PHRF1: variants seen among roughly 807,000 people sequenced by gnomAD.
PHRF1 encodes the protein PHD and RING finger domain-containing protein 1.
Under a neutral mutation model 128.9 loss-of-function variants are expected in PHRF1, and 53 were observed. That is an observed-to-expected ratio of 0.41 (90% confidence interval 0.33 to 0.52). The LOEUF (loss-of-function observed/expected upper bound fraction) is 0.52, where lower values mean the gene tolerates loss of function less well. Among genes scored for constraint, PHRF1 ranks in the 20% least tolerant of loss-of-function variants. PHRF1 has a pLI of 0.21. For missense variants in PHRF1, 2,503 were observed against 2,284.5 expected, an observed-to-expected ratio of 1.10 and a Z score of -1.95; for synonymous variants, 1,178 against 980.6, an observed-to-expected ratio of 1.20 and a Z score of -3.76.
chr11:591,330 A>G, intron 4 of PHRF1, 54 bp from the exon 5 acceptor site: 1 of 1,472,134 alleles, frequency 6.8e-7, no homozygotes, highest in South Asian at 1.2e-5. Context: ...AGAATTTTTG[A>G]TCTCTAAGTG....
At chr11:611,582 C>T (rs867301699) in intron 17 of PHRF1, 52 bp from the exon 18 acceptor site, 2 of 1,610,310 alleles carry the variant, frequency 1.2e-6, no homozygotes, top group Non-Finnish European at 1.7e-6. Context: ...GGGCTCTGGC[C>T]CGGAACATCT....
chr11:592,845 T>C (rs1350266153), intron 6 of PHRF1, among the ~76,000 whole-genome samples, 171 bp downstream of exon 6: 3 of 152,212 alleles, frequency 2.0e-5, no homozygotes, highest in South Asian at 4.1e-4. Flanking sequence ...GTTACACTCA[T>C]TTACACTTCA....
rs1363786484 is a variant in PHRF1 at position 611,945 on chromosome 11, T to C, written c.*168T>C. 19 of 1,081,654 alleles carry C rather than the reference T, an allele frequency of 1.8e-5. No individual in the cohort carries two copies. The highest frequency in any genetic ancestry group is 2.2e-5 in the Non-Finnish European group (17 of 770,290). 67.0% of individuals were successfully genotyped at this position (1,081,654 alleles called of 1,614,324 possible). A position where few individuals can be genotyped will look rare whatever the true frequency, so the allele number is the denominator to read the frequency against. ...CATGCCTGCCGTCGGGTTCCTGCGC[T>C]GACACCTGGTCTGTGCACCTGTGTT... On this transcript the variant is annotated 3_prime_UTR_variant, in exon 18 of 18. Transcript: ENST00000264555.
chr11:598,851 G>T lies in PHRF1; in HGVS notation c.1024+349G>T, dbSNP rs184804132. On this transcript the variant is annotated intron_variant, in intron 9 of 17. Coordinates refer to ENST00000264555, the MANE Select transcript of PHRF1 (RefSeq NM_001286581.2). ...ACGCCCTGAAGCCATCTGGGCCTGG[G>T]CTTTTCTGTGGGGGCCGAGTTGAGA... Among the ~76,000 whole-genome samples the T allele has an allele frequency of 9.2e-5, 14 of 152,332 alleles. 1 individual carries two copies. The East Asian group carries it at 2.5e-3, about 27-fold the overall frequency.
In PHRF1 at chr11:607,405, C is replaced by T. The variant is rs1479012529; in HGVS notation, c.1949C>T (p.Ser650Leu). 3.5e-5 allele frequency: 56 copies of T among 1,612,722 alleles called. No homozygotes were observed. Among genetic ancestry groups the T allele is most frequent in the Non-Finnish European group, 4.5e-5 (53 of 1,179,892 alleles). ...LPLASAASKI[S>L]SRDSKPPCRS... ...CTTGCCTCTGCCGCGTCTAAGATCT[C>T]AAGCAGAGATTCTAAGCCCCCATGT... Residue 650 changes from serine (S) to leucine (L), a missense_variant, in exon 14 of 18, where the codon TCA (serine) becomes TTA (leucine). Transcript: ENST00000264555.
rs1416024663 is a variant in PHRF1, at chr11:611,177, C to G, written c.4806+95C>G. On this transcript the variant is annotated intron_variant, in intron 17 of 17. Coordinates refer to ENST00000264555, the MANE Select transcript of PHRF1 (RefSeq NM_001286581.2). ...ATGGACTTTGGGGTGGCCATGAGTG[C>G]AGGCCCGAGGTCAGCCAGCCAGGTT... The G allele has an allele frequency of 1.9e-6, 3 of 1,554,702 alleles. No homozygotes were observed. The African/African-American group carries it at 4.1e-5, about 21-fold the overall frequency.
intron 10 of PHRF1, among the ~76,000 whole-genome samples, chr11:602,775 T>G (rs1234399776): frequency 6.6e-6 from 1 of 150,726 alleles, no homozygotes; most frequent in Non-Finnish European, 1.5e-5. Context: ...TTTTTGTTTT[T>G]TTTTTTGAGA....
At chr11:600,822 C>T (rs752288448) in intron 9 of PHRF1, among the ~76,000 whole-genome samples, 74 of 152,180 alleles carry the variant, frequency 4.9e-4, no homozygotes, top group Middle Eastern at 6.8e-3. Context: ...AAAAATTAGC[C>T]GGGCATGGTG....
At chr11:581,784 A>G (rs1254534165) in intron 2 of PHRF1, among the ~76,000 whole-genome samples, 178 bp downstream of exon 2, 2 of 152,272 alleles carry the variant, frequency 1.3e-5, no homozygotes, top group Non-Finnish European at 2.9e-5. Flanking sequence ...AAACAACACA[A>G]ATGTTGAACG....
chr11:606,354 G>A, intron 12 of PHRF1, 88 bp from the exon 13 acceptor site: 1 of 1,437,158 alleles, frequency 7.0e-7, no homozygotes, highest in African/African-American at 1.4e-5. Context: ...ACTCTCCCTG[G>A]CTCCCGCCTG....
intron 1 of PHRF1, among the ~76,000 whole-genome samples, chr11:579,220 T>TCCCCCAGCCCTGCTCCCC (rs1854064548): frequency 8.7e-6 from 1 of 114,648 alleles, no homozygotes; most frequent in African/African-American, 3.7e-5. Flanking sequence ...ACCCTGGGAC[T>TCCCCCAGCCCTGCTCCCC]CCCCCAGCCC....
rs748615025 is a variant in PHRF1 at position 598,471 on chromosome 11, G to T, written c.993G>T (p.Pro331=). The change falls in exon 9 of 18, where the codon CCG becomes CCT. Residue 331 remains proline, a synonymous_variant. Transcript: ENST00000264555. ...CCGTGTATCAGCGCCCCCTGACGCCGCGCACTCCCGCCCGACGGAAGAGGA... is the reference window on the plus strand; with the variant it reads ...CCGTGTATCAGCGCCCCCTGACGCCTCGCACTCCCGCCCGACGGAAGAGGA... ...STAVYQRPLT[P]RTPARRKRKT... is the part of the protein sequence containing the mutation. 3.1e-6 allele frequency: 5 copies of T among 1,609,878 alleles called. No homozygotes were observed. In the African/African-American group the frequency reaches 4.0e-5, roughly 13 times the overall value.
intron 6 of PHRF1, 133 bp downstream of exon 6, chr11:592,807 A>C: frequency 1.1e-6 from 1 of 933,358 alleles, no homozygotes; most frequent in Non-Finnish European, 1.7e-6. Context: ...CACCCTCAGC[A>C]GCGCGGTTCA....
At chr11:589,138 A>G (rs190666752) in intron 4 of PHRF1, among the ~76,000 whole-genome samples, 1 of 152,136 alleles carries the variant, frequency 6.6e-6, no homozygotes, top group South Asian at 2.1e-4. Context: ...CTGTCTCAAA[A>G]AAAAAAAAAG....
chr11:591,634 G>C (rs1224207456), intron 5 of PHRF1, among the ~76,000 whole-genome samples, 167 bp downstream of exon 5: 1 of 152,232 alleles, frequency 6.6e-6, no homozygotes, highest in Non-Finnish European at 1.5e-5. Context: ...TGTCTGGGGG[G>C]TTTGGGGTCT....
intron 10 of PHRF1, among the ~76,000 whole-genome samples, 155 bp from the exon 11 acceptor site, chr11:604,964 G>A (rs1168094347): frequency 1.3e-5 from 2 of 152,218 alleles, no homozygotes; most frequent in South Asian, 2.1e-4. Flanking sequence ...CCTGCTTGTC[G>A]GTCATCATGC....
In PHRF1 at chr11:611,969, T is replaced by A; in HGVS notation, c.*192T>A. 1 of 817,482 alleles carries A rather than the reference T, an allele frequency of 1.2e-6. No homozygotes were observed. The highest frequency in any genetic ancestry group is 1.9e-5 in the South Asian group (1 of 54,010). The allele number at this position is 817,482 out of a possible 1,614,324, so 50.6% of individuals were successfully genotyped here. On this transcript the variant is annotated 3_prime_UTR_variant, in exon 18 of 18. Transcript: ENST00000264555. ...CTGACACCTGGTCTGTGCACCTGTGTTGCTCACAGTTGAAAACTGGACACT... is the reference window on the plus strand; with the variant it reads ...CTGACACCTGGTCTGTGCACCTGTGATGCTCACAGTTGAAAACTGGACACT...
intron 1 of PHRF1, among the ~76,000 whole-genome samples, chr11:577,314 T>C (rs1171183702): frequency 6.6e-6 from 1 of 152,216 alleles, no homozygotes; most frequent in East Asian, 1.9e-4. Flanking sequence ...TGACGGGGCT[T>C]GTGTTGCCCC....
intron 6 of PHRF1, among the ~76,000 whole-genome samples, chr11:596,393 A>C (rs1473145647): frequency 6.6e-6 from 1 of 152,166 alleles, no homozygotes; most frequent in Admixed American, 6.5e-5. Context: ...TGTGAGGTGC[A>C]ATGTTTGAAA....
Sources: gnomAD v4.1 joint callset for allele counts (sites outside exome capture counted in the v4.1 genomes callset) on GRCh38, gnomAD v4.1.1 for gene constraint, MANE v1.5 for transcripts, NCBI Gene and HGNC (gene_info 2026-07-23, HGNC 2026-07-21) for gene names.